The following METTL14 variants were observed in gnomAD, a reference collection of about 807,000 sequenced individuals.
METTL14 encodes N(6)-adenosine-methyltransferase non-catalytic subunit METTL14.
A neutral mutation model predicts 62.4 loss-of-function variants in METTL14; 32 were observed. That is an observed-to-expected ratio of 0.51 (90% confidence interval 0.39 to 0.69). The LOEUF (loss-of-function observed/expected upper bound fraction) is 0.69, where lower values mean the gene tolerates loss of function less well. Among genes scored for constraint, METTL14 ranks in the 30% least tolerant of loss-of-function variants. METTL14 has a pLI of 0.00. For missense variants in METTL14, 340 were observed against 551.9 expected, an observed-to-expected ratio of 0.62 and a Z score of 3.85; for synonymous variants, 150 against 180.0, an observed-to-expected ratio of 0.83 and a Z score of 1.34.
chr4:118,698,346 G>C (rs1241826334), intron 7 of METTL14, among the ~76,000 whole-genome samples: 1 of 151,290 alleles, frequency 6.6e-6, no homozygotes, highest in African/African-American at 2.4e-5. Context: ...CCAGCTACTC[G>C]GGAGGCTGAG....
In METTL14 at chr4:118,711,180, G is replaced by C. The variant is rs566150443; in HGVS notation, c.*878G>C. ...TGAAATGACATACACCTTTAAACTT[G>C]TTATGGAGATAGTTTAATGTAAAAC... On this transcript the variant is annotated 3_prime_UTR_variant, in exon 11 of 11. Coordinates refer to ENST00000388822, the MANE Select transcript of METTL14 (RefSeq NM_020961.4). 2.0e-5 allele frequency: 3 copies of C among 152,286 alleles called. No individual in the cohort carries two copies. In the South Asian group the frequency reaches 6.2e-4, roughly 32 times the overall value. 9.4% of individuals were successfully genotyped at this position (152,286 alleles called of 1,614,324 possible). A position where few individuals can be genotyped will look rare whatever the true frequency, so the allele number is the denominator to read the frequency against.
chr4:118,685,662 C>G, intron 1 of METTL14, 62 bp downstream of exon 1: 2 of 1,382,670 alleles, frequency 1.4e-6, no homozygotes, highest in South Asian at 2.4e-5. Context: ...GCCGCCTCCT[C>G]CCTCCACACC....
At position 118,715,109 on chromosome 4, in the gene METTL14, A is replaced by T. The variant is rs60947885; in HGVS notation, c.*4807A>T. ...TCATTGCAAGCCATTCATCTATCCA[A>T]TGGGGGAAAATGTGGAGGTCTAGGC... On this transcript the variant is annotated 3_prime_UTR_variant, in exon 11 of 11. Coordinates refer to ENST00000388822, the MANE Select transcript of METTL14 (RefSeq NM_020961.4). 1 of 152,242 alleles carries T rather than the reference A, an allele frequency of 6.6e-6. No homozygotes were observed. The highest frequency in any genetic ancestry group is 1.5e-5 in the Non-Finnish European group (1 of 68,048). The allele number at this position is 152,242 out of a possible 1,614,324, so 9.4% of individuals were successfully genotyped here. A position where few individuals can be genotyped will look rare whatever the true frequency, so the allele number is the denominator to read the frequency against.
intron 10 of METTL14, 92 bp downstream of exon 10, chr4:118,705,913 G>A (rs1724742189): frequency 6.0e-6 from 6 of 997,488 alleles, no homozygotes; most frequent in Admixed American, 2.2e-5. Flanking sequence ...AAGTTCTTAT[G>A]CATTTGATTC....
At position 118,710,912 on chromosome 4, in the gene METTL14, G is replaced by A. The variant is rs1724899450; in HGVS notation, c.*610G>A. 1 of 149,984 alleles carries A rather than the reference G, an allele frequency of 6.7e-6. No individual in the cohort carries two copies. Among genetic ancestry groups the A allele is most frequent in the Non-Finnish European group, 1.5e-5 (1 of 67,670 alleles). The allele number at this position is 149,984 out of a possible 1,614,324, so 9.3% of individuals were successfully genotyped here. On this transcript the variant is annotated 3_prime_UTR_variant, in exon 11 of 11. Coordinates refer to ENST00000388822, the MANE Select transcript of METTL14 (RefSeq NM_020961.4). ...GTGAAAGAAGAGATAGAACTTAGCA[G>A]GCAGACTTAAAAAAAAAAAAAAAGT...
rs1178119105 is a variant in METTL14, at chr4:118,710,488, A to G, written c.*186A>G. The G allele has an allele frequency of 8.5e-6, 5 of 586,676 alleles. No homozygotes were observed. The highest frequency in any genetic ancestry group is 1.2e-5 in the Non-Finnish European group (4 of 339,718). 36.3% of individuals were successfully genotyped at this position (586,676 alleles called of 1,614,324 possible). On this transcript the variant is annotated 3_prime_UTR_variant, in exon 11 of 11. Transcript: ENST00000388822. ...CACACACTGTCTGGTTTTTTTCAGG[A>G]TAAATGAATGATTCTGCCTTTTGTT...
At chr4:118,700,032 A>T (rs956068238) in intron 7 of METTL14, among the ~76,000 whole-genome samples, 25 of 146,830 alleles carry the variant, frequency 1.7e-4, no homozygotes, top group Non-Finnish European at 3.5e-4. Flanking sequence ...AAAGAGAATA[A>T]TTTTTTTTTT....
intron 10 of METTL14, among the ~76,000 whole-genome samples, chr4:118,706,976 A>C (rs1037490832): frequency 6.6e-6 from 1 of 152,006 alleles, no homozygotes; most frequent in African/African-American, 2.4e-5. Flanking sequence ...ATTTTGGAGA[A>C]TAGTACTTTA....
At chr4:118,686,816 T>A (rs1724078406) in intron 1 of METTL14, 1 of 316,034 alleles carries the variant, frequency 3.2e-6, no homozygotes, top group African/African-American at 2.2e-5. Context: ...TGTTTTACAC[T>A]CAGCAGATGC....
chr4:118,707,734 T>A (rs1255005441), intron 10 of METTL14, among the ~76,000 whole-genome samples: 1 of 150,430 alleles, frequency 6.6e-6, no homozygotes, highest in Non-Finnish European at 1.5e-5. Flanking sequence ...CTCAAGGACA[T>A]AGCCTAAGGT....
chr4:118,704,838 G>A (rs146362008), intron 9 of METTL14, among the ~76,000 whole-genome samples: 10 of 152,302 alleles, frequency 6.6e-5, no homozygotes, highest in Non-Finnish European at 1.5e-4. Context: ...CTGAGGAAGA[G>A]GTCATGGGAA....
chr4:118,698,452 CAAAAAAAAAAAAAA>C (rs70941202), intron 7 of METTL14, among the ~76,000 whole-genome samples: 1 of 76,658 alleles, frequency 1.3e-5, no homozygotes, highest in Non-Finnish European at 2.4e-5. Flanking sequence ...GACTCTGTCT[CAAAAAAAAAAAAAA>C]AAAAAAAAAA....
At chr4:118,700,729 G>A in intron 8 of METTL14, 87 bp downstream of exon 8, 2 of 833,250 alleles carry the variant, frequency 2.4e-6, no homozygotes, top group Non-Finnish European at 3.7e-6. Flanking sequence ...GAAAGTGGAT[G>A]TTATTTTGTC....
chr4:118,708,847 A>G (rs1269991432), intron 10 of METTL14, among the ~76,000 whole-genome samples: 1 of 152,196 alleles, frequency 6.6e-6, no homozygotes, highest in African/African-American at 2.4e-5. Context: ...GCATATTTTC[A>G]GGGTCCCCTA....
At chr4:118,692,122 T>G in intron 5 of METTL14, 54 bp downstream of exon 5, 2 of 1,019,764 alleles carry the variant, frequency 2.0e-6, no homozygotes, top group Non-Finnish European at 3.0e-6. Flanking sequence ...TACATGCATG[T>G]AATTTATCCA....
At chr4:118,707,821 C>T (rs1724800864) in intron 10 of METTL14, among the ~76,000 whole-genome samples, 1 of 151,774 alleles carries the variant, frequency 6.6e-6, no homozygotes, top group Non-Finnish European at 1.5e-5. Context: ...GAGTCAAATA[C>T]ACTCTGAAGC....
chr4:118,706,696 A>C (rs899488602), intron 10 of METTL14, among the ~76,000 whole-genome samples: 1 of 152,132 alleles, frequency 6.6e-6, no homozygotes, highest in Non-Finnish European at 1.5e-5. Flanking sequence ...TTACATTTCC[A>C]CCGGCAGTGA....
chr4:118,708,589 A>T (rs556464484), intron 10 of METTL14, among the ~76,000 whole-genome samples: 9 of 151,764 alleles, frequency 5.9e-5, no homozygotes, highest in Non-Finnish European at 1.0e-4. Flanking sequence ...CACTTTTAGA[A>T]ACTAAAAATG....
chr4:118,700,032 ATT>A (rs879408263), intron 7 of METTL14, among the ~76,000 whole-genome samples: 2 of 146,760 alleles, frequency 1.4e-5, no homozygotes. Flanking sequence ...AAAGAGAATA[ATT>A]TTTTTTTTTT....
Sources: allele counts gnomAD v4.1 joint callset (sites outside exome capture counted in the v4.1 genomes callset), GRCh38; gene constraint gnomAD v4.1.1; transcripts MANE v1.5; gene names NCBI Gene and HGNC (gene_info 2026-07-23, HGNC 2026-07-21).